Variants in MGA observed in about 807,000 individuals in gnomAD.
The protein encoded by MGA is MAX dimerization protein MGA.
MGA carries 40 observed loss-of-function variants against 261.1 expected under a neutral mutation model. The ratio of observed to expected loss-of-function variants is 0.15; its 90% CI spans 0.12 to 0.20. The LOEUF is 0.20. Among genes scored for constraint, MGA ranks in the 10% least tolerant of loss-of-function variants. MGA has a pLI of 1.00. For missense variants in MGA, 3,397 were observed against 3,630.5 expected (o/e 0.94, Z 1.65); for synonymous variants, 1,302 against 1,290.6 (o/e 1.01, Z -0.19).
intron 1 of MGA, among the ~76,000 whole-genome samples, chr15:41,648,333 C>T (rs1040603443): frequency 3.3e-5 from 5 of 152,204 alleles, no homozygotes; most frequent in African/African-American, 1.2e-4. Flanking sequence ...TAATCTTTAA[C>T]TTAACCTTTT....
At chr15:41,703,379 C>CG (rs1555419047) in intron 5 of MGA, among the ~76,000 whole-genome samples, 2 of 140,378 alleles carry the variant, frequency 1.4e-5, no homozygotes, top group South Asian at 2.6e-4. Flanking sequence ...CCCCCCCCCC[C>CG]ACTCCCCACC....
chr15:41,722,463 G>C (rs2060999741), intron 9 of MGA, among the ~76,000 whole-genome samples: 1 of 151,930 alleles, frequency 6.6e-6, no homozygotes, highest in Admixed American at 6.6e-5. Flanking sequence ...ATATTTAGGT[G>C]TTATACTTTG....
chr15:41,670,615 C>T (rs2057997793), intron 2 of MGA, among the ~76,000 whole-genome samples: 1 of 152,188 alleles, frequency 6.6e-6, no homozygotes, highest in South Asian at 2.1e-4. Flanking sequence ...ACGCCATTCT[C>T]CTGCCTCAGC....
chr15:41,688,121 G>A (rs2059062315), intron 2 of MGA, among the ~76,000 whole-genome samples: 1 of 152,176 alleles, frequency 6.6e-6, no homozygotes, highest in Non-Finnish European at 1.5e-5. Context: ...TGTCACTGAG[G>A]CTGGAGTGCA....
At chr15:41,642,076 C>T (rs1359528200) in intron 1 of MGA, among the ~76,000 whole-genome samples, 2 of 152,162 alleles carry the variant, frequency 1.3e-5, no homozygotes, top group Non-Finnish European at 2.9e-5. Flanking sequence ...GCTGGGATTA[C>T]AGGTTTGAGC....
At chr15:41,684,142 A>G (rs926778345) in intron 2 of MGA, among the ~76,000 whole-genome samples, 4 of 152,090 alleles carry the variant, frequency 2.6e-5, no homozygotes, top group African/African-American at 9.7e-5. Flanking sequence ...AAATTCCTTG[A>G]ATGTAGAGAC....
At chr15:41,679,554 G>C (rs1363132681) in intron 2 of MGA, among the ~76,000 whole-genome samples, 2 of 151,926 alleles carry the variant, frequency 1.3e-5, no homozygotes, top group Non-Finnish European at 2.9e-5. Context: ...TCTTTTTGAT[G>C]CTATTATATA....
intron 2 of MGA, among the ~76,000 whole-genome samples, chr15:41,683,175 T>G (rs1354591509): frequency 6.6e-6 from 1 of 152,162 alleles, no homozygotes; most frequent in Non-Finnish European, 1.5e-5. Flanking sequence ...ATTATGAAAT[T>G]TCAGTTATAA....
upstream of MGA, among the ~76,000 whole-genome samples, chr15:41,657,089 T>C (rs1325239550): frequency 6.6e-6 from 1 of 152,166 alleles, no homozygotes; most frequent in East Asian, 1.9e-4. Context: ...CCAGAAAGTC[T>C]TAAAAGTTCC....
Position 41,668,851 on chromosome 15 carries a change from G to C in MGA, c.-44G>C. The C allele has an allele frequency of 7.1e-7, 1 of 1,406,260 alleles. No individual in the cohort carries two copies. Among genetic ancestry groups the C allele is most frequent in the African/African-American group, 1.4e-5 (1 of 70,076 alleles). The allele number at this position is 1,406,260 out of a possible 1,614,324, so 87.1% of individuals were successfully genotyped here. On this transcript the variant is annotated 5_prime_UTR_variant, in exon 2 of 24. It removes an upstream start codon present in the reference 5' UTR. Coordinates refer to ENST00000219905, the MANE Select transcript of MGA (RefSeq NM_001164273.2). ...AGGATGGGAAGGCCATTGTGACTAT[G>C]TGGTGATTACAGTTGTCTTACTACT...
At chr15:41,641,450 C>G (rs894086385) in intron 1 of MGA, among the ~76,000 whole-genome samples, 2 of 150,668 alleles carry the variant, frequency 1.3e-5, no homozygotes, top group Non-Finnish European at 3.0e-5. Context: ...TTTTCACCAA[C>G]AGAAAATGAG....
chr15:41,680,666 A>C (rs898613922), intron 2 of MGA, among the ~76,000 whole-genome samples: 2 of 152,218 alleles, frequency 1.3e-5, no homozygotes, highest in African/African-American at 4.8e-5. Context: ...GCCTAATGAG[A>C]CGTAAAGAAC....
intron 1 of MGA, among the ~76,000 whole-genome samples, chr15:41,635,558 C>T (rs1015600746): frequency 2.0e-5 from 3 of 151,174 alleles, no homozygotes; most frequent in Admixed American, 6.6e-5. Context: ...TAGCTGAGTA[C>T]GATGGCATGT....
chr15:41,647,754 C>CG (rs2056962825), intron 1 of MGA, among the ~76,000 whole-genome samples: 1 of 151,942 alleles, frequency 6.6e-6, no homozygotes, highest in African/African-American at 2.4e-5. Flanking sequence ...TAAGGTTCAC[C>CG]TTTTTTATCT....
Position 41,682,259 on chromosome 15 carries a change from A to ACATACACACACACGTACATATATGTG in MGA, c.1064+12310_1064+12335dup, listed in dbSNP as rs558467123. ...ATAAAATCTTTTGGTTCATTCATAC[A>ACATACACACACACGTACATATATGTG]CATACACACACACGTACATATATGT... On this transcript the variant is annotated intron_variant, in intron 2 of 23. Transcript: ENST00000219905. 4.4e-4 allele frequency among the ~76,000 whole-genome samples: 67 copies of ACATACACACACACGTACATATATGTG among 152,182 alleles called. No individual in the cohort carries two copies. The South Asian group carries it at 0.011, about 24-fold the overall frequency.
intron 1 of MGA, among the ~76,000 whole-genome samples, chr15:41,622,276 G>A (rs2056319730): frequency 6.6e-6 from 1 of 152,106 alleles, no homozygotes; most frequent in Non-Finnish European, 1.5e-5. Context: ...TTCTCATTCA[G>A]CTCGGTAGAG....
chr15:41,656,377 T>TCTCTATCTCTCTCTCTCTCTCTCA (rs1555403733), upstream of MGA, among the ~76,000 whole-genome samples: 5 of 68,274 alleles, frequency 7.3e-5, no homozygotes, highest in Non-Finnish European at 1.7e-4. Flanking sequence ...TCTCTCTCTC[T>TCTCTATCTCTCTCTCTCTCTCTCA]CACACCCAGG....
Position 41,669,617 on chromosome 15 carries a change from C to A in MGA, c.723C>A (p.Asn241Lys). 1 of 1,613,974 alleles carries A rather than the reference C, an allele frequency of 6.2e-7. No homozygotes were observed. The highest frequency in any genetic ancestry group is 1.1e-5 in the South Asian group (1 of 91,086). Reference sequence around the variant, plus strand: ...TCTTTGCAGTAACAGCTTATCAGAACATTCAGATTACTCAGCTGAAAATAG... The same window carrying A: ...TCTTTGCAGTAACAGCTTATCAGAAAATTCAGATTACTCAGCTGAAAATAG... The change falls in exon 2 of 24, where the codon AAC becomes AAA. Residue 241 changes from asparagine (N) to lysine (K), a missense_variant. Coordinates refer to ENST00000219905, the MANE Select transcript of MGA (RefSeq NM_001164273.2).
chr15:41,759,522 C>G (rs1353860820), intron 19 of MGA, among the ~76,000 whole-genome samples: 3 of 134,818 alleles, frequency 2.2e-5, no homozygotes. Context: ...GTGTTAGTCT[C>G]AAACTCCTGG....
Sources: allele counts gnomAD v4.1 joint callset (sites outside exome capture counted in the v4.1 genomes callset), GRCh38; gene constraint gnomAD v4.1.1; transcripts MANE v1.5; gene names NCBI Gene and HGNC (gene_info 2026-07-23, HGNC 2026-07-21).